DCDC1: variants seen among roughly 807,000 people sequenced by gnomAD.
DCDC1 encodes doublecortin domain-containing protein 1.
In DCDC1, 200 loss-of-function variants were observed where a neutral mutation model predicts 178.3. The observed-to-expected ratio is 1.12, with a 90% confidence interval of 1.00 to 1.26. The LOEUF (loss-of-function observed/expected upper bound fraction) is 1.26. DCDC1 is among the 50% of genes most tolerant of loss of function. The pLI is 0.00. For synonymous variants in DCDC1, 690 were observed against 604.8 expected (o/e 1.14, Z -2.07); for missense variants, 1,983 against 1,749.2 (o/e 1.13, Z -2.38).
At chr11:31,082,145 G>C (rs980918163) in intron 17 of DCDC1, among the ~76,000 whole-genome samples, 1 of 152,132 alleles carries the variant, frequency 6.6e-6, no homozygotes, top group South Asian at 2.1e-4. Context: ...AGGGAAAATG[G>C]AGGAGCTATA....
Position 30,921,428 on chromosome 11 carries a change from G to A in DCDC1, c.3134-493C>T, listed in dbSNP as rs531264625. 5.3e-5 allele frequency among the ~76,000 whole-genome samples: 8 copies of A among 152,256 alleles called. No individual in the cohort carries two copies. In the South Asian group the frequency reaches 1.0e-3, roughly 20 times the overall value. On this transcript the variant is annotated intron_variant, in intron 24 of 38. Transcript: ENST00000684477. ...GGAGAAAACTTAATGGAAGGAGGAA[G>A]ATCATGAGGAAATTAGAACTTTTAT...
intron 18 of DCDC1, among the ~76,000 whole-genome samples, chr11:31,070,498 A>T (rs545441784): frequency 6.6e-6 from 1 of 152,312 alleles, no homozygotes; most frequent in East Asian, 1.9e-4. Flanking sequence ...CTCTAATCAC[A>T]TAATTCCCAT....
chr11:31,059,711 A>G (rs1322802160), intron 20 of DCDC1, among the ~76,000 whole-genome samples: 2 of 152,082 alleles, frequency 1.3e-5, no homozygotes, highest in Non-Finnish European at 2.9e-5. Context: ...TGAGTTCACT[A>G]GCTCTACAAA....
intron 12 of DCDC1, among the ~76,000 whole-genome samples, chr11:31,110,040 T>C (rs938853782): frequency 6.6e-6 from 1 of 152,096 alleles, no homozygotes; most frequent in Non-Finnish European, 1.5e-5. Flanking sequence ...AATATAAGCA[T>C]GAAGAAGGTT....
intron 20 of DCDC1, among the ~76,000 whole-genome samples, chr11:31,054,741 C>T (rs919080122): frequency 2.0e-5 from 3 of 152,164 alleles, no homozygotes; most frequent in Non-Finnish European, 4.4e-5. Flanking sequence ...GGGGAAAGGA[C>T]ACCTTTTTCA....
intron 21 of DCDC1, among the ~76,000 whole-genome samples, chr11:30,933,950 T>A (rs1284141681): frequency 6.6e-6 from 1 of 152,168 alleles, no homozygotes; most frequent in African/African-American, 2.4e-5. Flanking sequence ...TTGTTAGGAA[T>A]GAAAGTACAA....
chr11:31,348,655 GT>G (rs1950926966), intron 1 of DCDC1, among the ~76,000 whole-genome samples: 1 of 152,174 alleles, frequency 6.6e-6, no homozygotes, highest in South Asian at 2.1e-4. Context: ...CTTCAGGTGT[GT>G]TAAAATATTG....
intron 9 of DCDC1, among the ~76,000 whole-genome samples, chr11:31,225,547 A>G (rs980165025): frequency 6.6e-6 from 1 of 151,140 alleles, no homozygotes; most frequent in African/African-American, 2.4e-5. Flanking sequence ...CAATATATAC[A>G]TATAAATATG....
At chr11:31,133,457 T>C (rs981120687) in intron 10 of DCDC1, among the ~76,000 whole-genome samples, 8 of 152,196 alleles carry the variant, frequency 5.3e-5, no homozygotes, top group African/African-American at 1.9e-4. Flanking sequence ...AAAATTAGTA[T>C]TTTAAACTGC....
Position 30,903,383 on chromosome 11 carries a change from T to C in DCDC1, c.4510+99A>G, listed in dbSNP as rs1169446439. Reference sequence around the variant, plus strand: ...TCACAAAAGTAGCTTCCTATGATTTTGAAATTCTGAAAAAACTGACTAAAT... The same window carrying C: ...TCACAAAAGTAGCTTCCTATGATTTCGAAATTCTGAAAAAACTGACTAAAT... On this transcript the variant is annotated intron_variant, in intron 32 of 38. Transcript: ENST00000684477. The C allele has an allele frequency of 1.6e-6, 2 of 1,215,694 alleles. 1 individual carries two copies. Among genetic ancestry groups the C allele is most frequent in the East Asian group, 5.6e-5 (2 of 35,634 alleles). The allele number at this position is 1,215,694 out of a possible 1,614,324, so 75.3% of individuals were successfully genotyped here. A position where few individuals can be genotyped will look rare whatever the true frequency, so the allele number is the denominator to read the frequency against.
chr11:31,213,100 C>CCTCTCTCTTTCTCTCTCTCTCCTCTCT (rs1565441644), intron 9 of DCDC1, among the ~76,000 whole-genome samples: 13 of 44,242 alleles, frequency 2.9e-4, no homozygotes, highest in Non-Finnish European at 4.0e-4. Context: ...TAAAGCCCAG[C>CCTCTCTCTTTCTCTCTCTCTCCTCTCT]CTCTCTCTCT....
intron 20 of DCDC1, among the ~76,000 whole-genome samples, chr11:30,998,395 T>C (rs1178645227): frequency 7.2e-5 from 11 of 152,118 alleles, no homozygotes; most frequent in African/African-American, 2.2e-4. Flanking sequence ...TGGCTAATGC[T>C]GAAACAATCT....
At chr11:31,245,275 A>C (rs2136930389) in intron 8 of DCDC1, among the ~76,000 whole-genome samples, 1 of 151,062 alleles carries the variant, frequency 6.6e-6, no homozygotes, top group African/African-American at 2.4e-5. Flanking sequence ...AAATCCTAAA[A>C]CCTTTTGGAG....
At chr11:31,062,051 G>A (rs1214550053) in intron 20 of DCDC1, among the ~76,000 whole-genome samples, 2 of 152,096 alleles carry the variant, frequency 1.3e-5, no homozygotes, top group Non-Finnish European at 2.9e-5. Flanking sequence ...TTTTAAGCAT[G>A]GGAAGGGTGA....
At chr11:30,886,002 C>T (rs544340028) in intron 36 of DCDC1, among the ~76,000 whole-genome samples, 9 of 151,936 alleles carry the variant, frequency 5.9e-5, no homozygotes, top group Non-Finnish European at 8.8e-5. Context: ...AAGGTTATGA[C>T]GCCGTTGAAA....
At position 30,925,303 on chromosome 11, in the gene DCDC1, C is replaced by A. The variant is rs750700197; in HGVS notation, c.2997+6G>T. On this transcript the variant is annotated splice_donor_region_variant and intron_variant, in intron 23 of 38. Coordinates refer to ENST00000684477, the MANE Select transcript of DCDC1 (RefSeq NM_001387274.1). ...AATATTGCCAGTTTCAAATCCATGT[C>A]TTTACCAGTTCATCTCTTTGCAGGT... 6.2e-7 allele frequency: 1 copy of A among 1,611,482 alleles called. No individual in the cohort carries two copies. Among genetic ancestry groups the A allele is most frequent in the South Asian group, 1.1e-5 (1 of 90,924 alleles).
chr11:30,896,513 C>T (rs899946118), intron 34 of DCDC1, among the ~76,000 whole-genome samples: 2 of 152,112 alleles, frequency 1.3e-5, no homozygotes, highest in Admixed American at 1.3e-4. Flanking sequence ...ATTGGGAGGC[C>T]CACCCTTATT....
intron 7 of DCDC1, among the ~76,000 whole-genome samples, chr11:31,270,633 G>A (rs536238397): frequency 5.3e-5 from 8 of 152,176 alleles, no homozygotes; most frequent in Admixed American, 6.5e-5. Context: ...TCTTCAAAGC[G>A]CTCTCAAGTG....
At chr11:31,213,314 T>A (rs1007838793) in intron 9 of DCDC1, among the ~76,000 whole-genome samples, 1 of 151,872 alleles carries the variant, frequency 6.6e-6, no homozygotes, top group Admixed American at 6.6e-5. Context: ...TTATCATTGG[T>A]AAGTAGAGAC....
Sources: gnomAD v4.1 joint callset for allele counts (sites outside exome capture counted in the v4.1 genomes callset) on GRCh38, gnomAD v4.1.1 for gene constraint, MANE v1.5 for transcripts, NCBI Gene and HGNC (gene_info 2026-07-23, HGNC 2026-07-21) for gene names.